Variants in ANGPT1 observed in about 807,000 individuals in gnomAD.
The protein encoded by ANGPT1 is angiopoietin 1, also known as angiopoietin-1.
In ANGPT1, 17 loss-of-function variants were observed where a neutral mutation model predicts 62.2. That is an observed-to-expected ratio of 0.27 (90% confidence interval 0.19 to 0.41). ANGPT1 has a LOEUF of 0.41. ANGPT1 is among the 10% of genes least tolerant of loss of function. The pLI is 1.00. For missense variants in ANGPT1, 478 were observed against 594.9 expected (o/e 0.80, Z 2.04); for synonymous variants, 199 against 198.9 (o/e 1.00, Z 0.00).
chr8:107,476,730 A>C (rs1406885515), intron 1 of ANGPT1, among the ~76,000 whole-genome samples: 1 of 152,194 alleles, frequency 6.6e-6, no homozygotes, highest in African/African-American at 2.4e-5. Context: ...AAACAGCTCC[A>C]TATGACACAA....
At chr8:107,394,581 C>T (rs561639934) in intron 1 of ANGPT1, among the ~76,000 whole-genome samples, 2 of 152,190 alleles carry the variant, frequency 1.3e-5, no homozygotes, top group South Asian at 2.1e-4. Context: ...CATGACAAAG[C>T]GCCTGCTTTT....
chr8:107,401,331 A>T lies in ANGPT1; in HGVS notation c.298-54234T>A, dbSNP rs183297098. Among the ~76,000 whole-genome samples, 15 of 151,788 alleles carry T rather than the reference A, an allele frequency of 9.9e-5. No individual in the cohort carries two copies. In the South Asian group the frequency reaches 2.7e-3, roughly 27 times the overall value. ...TTCTTGTCATTAATTATATTTTTTT[A>T]AAGTGTAACATTCAGATACAACTTC... On this transcript the variant is annotated intron_variant, in intron 1 of 8. Transcript: ENST00000517746.
chr8:107,302,883 G>A (rs1814626872), intron 5 of ANGPT1, among the ~76,000 whole-genome samples: 1 of 151,886 alleles, frequency 6.6e-6, no homozygotes, highest in African/African-American at 2.4e-5. Flanking sequence ...GATAATGTGT[G>A]TTCTCTGGAT....
At chr8:107,438,418 A>C (rs1425280045) in intron 1 of ANGPT1, among the ~76,000 whole-genome samples, 1 of 152,178 alleles carries the variant, frequency 6.6e-6, no homozygotes, top group African/African-American at 2.4e-5. Context: ...ATAAAAATAC[A>C]TTCTAAATAC....
chr8:107,484,584 T>C (rs1004024527), intron 1 of ANGPT1, among the ~76,000 whole-genome samples: 12 of 152,008 alleles, frequency 7.9e-5, no homozygotes, highest in African/African-American at 2.9e-4. Flanking sequence ...TCTTGTATAT[T>C]ATTTTGTTAG....
At chr8:107,450,454 C>T (rs1034368883) in intron 1 of ANGPT1, among the ~76,000 whole-genome samples, 17 of 151,954 alleles carry the variant, frequency 1.1e-4, no homozygotes, top group South Asian at 6.2e-4. Flanking sequence ...GCTCTATGGG[C>T]GGAAAGAGGG....
At chr8:107,424,504 A>G (rs917771717) in intron 1 of ANGPT1, among the ~76,000 whole-genome samples, 4 of 152,204 alleles carry the variant, frequency 2.6e-5, no homozygotes. Context: ...TTTAGTAATC[A>G]GATTAGCTGA....
At chr8:107,413,763 T>C (rs1810654719) in intron 1 of ANGPT1, among the ~76,000 whole-genome samples, 2 of 151,768 alleles carry the variant, frequency 1.3e-5, no homozygotes, top group African/African-American at 4.8e-5. Flanking sequence ...AATATCAACA[T>C]GTTAAATAAA....
At chr8:107,364,774 G>A (rs1232885438) in intron 1 of ANGPT1, among the ~76,000 whole-genome samples, 1 of 152,138 alleles carries the variant, frequency 6.6e-6, no homozygotes, top group African/African-American at 2.4e-5. Flanking sequence ...ACTTCAAAGG[G>A]AATTTTCTCC....
chr8:107,368,341 G>T (rs1242512918), intron 1 of ANGPT1, among the ~76,000 whole-genome samples: 3 of 151,982 alleles, frequency 2.0e-5, no homozygotes, highest in Admixed American at 6.6e-5. Flanking sequence ...ATGCCATGCT[G>T]TAAACAGATG....
At chr8:107,322,820 C>CA (rs1815187695) in intron 3 of ANGPT1, 1 of 217,046 alleles carries the variant, frequency 4.6e-6, no homozygotes, top group African/African-American at 2.4e-5. Context: ...TATACATTCT[C>CA]AATCACACAC....
At chr8:107,373,193 A>T (rs1337145402) in intron 1 of ANGPT1, among the ~76,000 whole-genome samples, 3 of 152,120 alleles carry the variant, frequency 2.0e-5, no homozygotes, top group African/African-American at 7.2e-5. Context: ...TCCATTTCCT[A>T]ACTTTTCAGT....
chr8:107,389,322 G>A (rs556496109), intron 1 of ANGPT1, among the ~76,000 whole-genome samples: 1 of 152,092 alleles, frequency 6.6e-6, no homozygotes, highest in East Asian at 1.9e-4. Context: ...AATAGTCCTT[G>A]GTTTTCTTTG....
chr8:107,429,024 A>G (rs1204071987), intron 1 of ANGPT1, among the ~76,000 whole-genome samples: 1 of 152,220 alleles, frequency 6.6e-6, no homozygotes, highest in Non-Finnish European at 1.5e-5. Context: ...GCATCGGGCC[A>G]TGTTACATGG....
intron 1 of ANGPT1, among the ~76,000 whole-genome samples, chr8:107,388,281 G>A (rs1290889566): frequency 6.6e-6 from 1 of 151,986 alleles, no homozygotes; most frequent in Non-Finnish European, 1.5e-5. Flanking sequence ...TGGACATGGT[G>A]GCATGTACCT....
intron 5 of ANGPT1, among the ~76,000 whole-genome samples, chr8:107,299,327 T>G (rs983448585): frequency 6.8e-6 from 1 of 147,910 alleles, no homozygotes; most frequent in South Asian, 2.1e-4. Flanking sequence ...AGGTTAACTT[T>G]CTAAAGTAGG....
chr8:107,453,546 TG>T (rs1374535272), intron 1 of ANGPT1, among the ~76,000 whole-genome samples: 1 of 151,978 alleles, frequency 6.6e-6, no homozygotes, highest in Non-Finnish European at 1.5e-5. Context: ...AAGAACAGCA[TG>T]GGAAAGCCCT....
chr8:107,386,364 ACC>A (rs1816731859), intron 1 of ANGPT1, among the ~76,000 whole-genome samples: 1 of 152,076 alleles, frequency 6.6e-6, no homozygotes, highest in Non-Finnish European at 1.5e-5. Flanking sequence ...CATGTAACAA[ACC>A]TGCATGTTGT....
chr8:107,255,312 C>T (rs1280984242), intron 8 of ANGPT1, among the ~76,000 whole-genome samples: 1 of 152,102 alleles, frequency 6.6e-6, no homozygotes, highest in African/African-American at 2.4e-5. Flanking sequence ...TCTGGAAGAC[C>T]AGGGGAGAGT....
Sources: allele counts gnomAD v4.1 joint callset (sites outside exome capture counted in the v4.1 genomes callset), GRCh38; gene constraint gnomAD v4.1.1; transcripts MANE v1.5; gene names NCBI Gene and HGNC (gene_info 2026-07-23, HGNC 2026-07-21).